Variants in HNMT observed in about 807,000 individuals in gnomAD.
HNMT encodes histamine N-methyltransferase.
A neutral mutation model predicts 32.1 loss-of-function variants in HNMT; 30 were observed. The ratio of observed to expected loss-of-function variants is 0.93; its 90% CI spans 0.70 to 1.27. The LOEUF (loss-of-function observed/expected upper bound fraction) is 1.27. HNMT is among the 50% of genes most tolerant of loss of function. HNMT has a pLI of 0.00. For missense variants in HNMT, 327 were observed against 346.0 expected (o/e 0.95, Z 0.43); for synonymous variants, 125 against 119.0 (o/e 1.05, Z -0.33).
intron 5 of HNMT, among the ~76,000 whole-genome samples, chr2:138,009,631 C>A (rs1267327381): frequency 6.6e-6 from 1 of 151,976 alleles, no homozygotes; most frequent in East Asian, 1.9e-4. Context: ...AGTCTAGTTT[C>A]CAACATTGGA....
chr2:137,979,903 G>A (rs1029433992), intron 2 of HNMT, among the ~76,000 whole-genome samples: 3 of 152,096 alleles, frequency 2.0e-5, no homozygotes, highest in Admixed American at 6.6e-5. Context: ...ATATACGAGA[G>A]ATGATGGTAA....
chr2:137,990,672 A>G (rs1040960587), intron 2 of HNMT, among the ~76,000 whole-genome samples: 31 of 152,206 alleles, frequency 2.0e-4, no homozygotes, highest in African/African-American at 7.5e-4. Flanking sequence ...TTATGATTTT[A>G]TATCTTATGG....
chr2:137,993,367 G>C lies in HNMT; in HGVS notation c.191-7551G>C, dbSNP rs138027456. Among the ~76,000 whole-genome samples, 1,018 of 152,240 alleles carry C rather than the reference G, an allele frequency of 6.7e-3. 16 individuals are homozygous for C. Among genetic ancestry groups the C allele is most frequent in the African/African-American group, 0.023 (956 of 41,546 alleles). ...GTTTAGAGAGGAGCATAAACAACAT[G>C]TTGGAGCTGAAAAACACAGCACGAG... On this transcript the variant is annotated intron_variant, in intron 2 of 5. Transcript: ENST00000280097.
At position 138,015,168 on chromosome 2, in the gene HNMT, G is replaced by A. The variant is rs73961934; in HGVS notation, c.*1038G>A. 1 of 151,918 alleles carries A rather than the reference G, an allele frequency of 6.6e-6. No homozygotes were observed. The highest frequency in any genetic ancestry group is 6.6e-5 in the Admixed American group (1 of 15,226). The allele number at this position is 151,918 out of a possible 1,614,324, so 9.4% of individuals were successfully genotyped here. ...CTTTGGACTGTAGGATTTCAGGGGG[G>A]TTTTGAAAACAAATTTGATGTTTCT... On this transcript the variant is annotated 3_prime_UTR_variant, in exon 6 of 6. Transcript: ENST00000280097.
At chr2:137,987,799 T>C (rs1305828414) in intron 2 of HNMT, among the ~76,000 whole-genome samples, 1 of 152,132 alleles carries the variant, frequency 6.6e-6, no homozygotes, top group African/African-American at 2.4e-5. Flanking sequence ...GTACATCATA[T>C]AAATGAAGAA....
rs190534318 is a variant in HNMT at position 137,983,082 on chromosome 2, T to A, written c.190+12865T>A. Among the ~76,000 whole-genome samples the A allele has an allele frequency of 1.1e-4, 16 of 152,322 alleles. No individual in the cohort carries two copies. In the East Asian group the frequency reaches 2.9e-3, roughly 28 times the overall value. ...TTTTTCCTATTATCCCAAAGCCTCA[T>A]CCATAAATATCATGCAGAACCTATG... On this transcript the variant is annotated intron_variant, in intron 2 of 5. Transcript: ENST00000280097.
At chr2:137,972,624 C>G (rs1166804377) in intron 2 of HNMT, among the ~76,000 whole-genome samples, 2 of 151,974 alleles carry the variant, frequency 1.3e-5, no homozygotes, top group East Asian at 3.9e-4. Context: ...TACTTTAAGT[C>G]CCCAAAATTA....
At position 138,000,926 on chromosome 2, in the gene HNMT, G is replaced by T; in HGVS notation, c.199G>T (p.Asp67Tyr). The part of the protein sequence containing the change: ...LSIGGGAGEI[D>Y]LQILSKVQAQ... Reference sequence around the variant, plus strand: ...ATATGTTTATCTTCTAGGTGAAATTGATCTTCAAATTCTCTCCAAAGTTCA... The same window carrying T: ...ATATGTTTATCTTCTAGGTGAAATTTATCTTCAAATTCTCTCCAAAGTTCA... Residue 67 changes from aspartate to tyrosine, a missense_variant, in exon 3 of 6, where the codon GAT (aspartate) becomes TAT (tyrosine). Physicochemically the swap from Asp to Tyr is radical, Grantham distance 160. Transcript: ENST00000280097. 2 of 1,590,674 alleles carry T rather than the reference G, an allele frequency of 1.3e-6. No homozygotes were observed. Among genetic ancestry groups the T allele is most frequent in the South Asian group, 1.1e-5 (1 of 88,566 alleles).
At chr2:137,998,379 T>A (rs1034149674) in intron 2 of HNMT, among the ~76,000 whole-genome samples, 6 of 152,112 alleles carry the variant, frequency 3.9e-5, no homozygotes, top group African/African-American at 7.2e-5. Flanking sequence ...TTATTAAAAA[T>A]GAACAAGTTA....
intron 2 of HNMT, among the ~76,000 whole-genome samples, chr2:137,976,729 C>A (rs1680299888): frequency 6.6e-6 from 1 of 152,098 alleles, no homozygotes; most frequent in Non-Finnish European, 1.5e-5. Flanking sequence ...TTTACATAAA[C>A]ACAGTTATAG....
chr2:137,976,189 C>A (rs547356728), intron 2 of HNMT, among the ~76,000 whole-genome samples: 1 of 150,886 alleles, frequency 6.6e-6, no homozygotes, highest in Non-Finnish European at 1.5e-5. Flanking sequence ...TCTCTTGAAC[C>A]TGGGAGGAGG....
chr2:137,978,778 TATATA>T (rs1379961154), intron 2 of HNMT, among the ~76,000 whole-genome samples: 5 of 139,710 alleles, frequency 3.6e-5, no homozygotes, highest in Admixed American at 7.3e-5. Context: ...AATATAGTAT[TATATA>T]ATACTTTATA....
At position 138,016,277 on chromosome 2, in the gene HNMT, C is replaced by T. The variant is rs961711329; in HGVS notation, c.*2147C>T. ...AATTATTTCCTTCTCAAACATTTAT[C>T]TTATACCTTGTGTGTTCATATTATT... On this transcript the variant is annotated 3_prime_UTR_variant, in exon 6 of 6. Coordinates refer to ENST00000280097, the MANE Select transcript of HNMT (RefSeq NM_006895.3). The T allele has an allele frequency of 6.6e-6, 1 of 152,104 alleles. No individual in the cohort carries two copies. Among genetic ancestry groups the T allele is most frequent in the African/African-American group, 2.4e-5 (1 of 41,424 alleles). The allele number at this position is 152,104 out of a possible 1,614,324, so 9.4% of individuals were successfully genotyped here.
rs113886513 is a variant in HNMT at position 137,989,205 on chromosome 2, C to A, written c.191-11713C>A. On this transcript the variant is annotated intron_variant, in intron 2 of 5. Coordinates refer to ENST00000280097, the MANE Select transcript of HNMT (RefSeq NM_006895.3). The stretch of plus-strand genomic sequence containing the variant: ...GTATTATACAGAGTAGTTTTACTGT[C>A]CCCGAAATCATCTATGCTCCACCCC... Among the ~76,000 whole-genome samples, 1,514 of 152,228 alleles carry A rather than the reference C, an allele frequency of 9.9e-3. 27 individuals are homozygous for A. Among genetic ancestry groups the A allele is most frequent in the African/African-American group, 0.035 (1,459 of 41,542 alleles).
At chr2:137,978,265 T>C (rs1680345855) in intron 2 of HNMT, among the ~76,000 whole-genome samples, 2 of 149,390 alleles carry the variant, frequency 1.3e-5, no homozygotes, top group South Asian at 4.2e-4. Context: ...AGTATATTTA[T>C]ATACGTATAT....
At chr2:137,999,593 G>A (rs1235725305) in intron 2 of HNMT, among the ~76,000 whole-genome samples, 2 of 152,092 alleles carry the variant, frequency 1.3e-5, no homozygotes, top group African/African-American at 4.8e-5. Flanking sequence ...TGCAGCCTTG[G>A]AAAGTTTCTG....
chr2:137,977,738 TTTC>T (rs1223203543), intron 2 of HNMT, among the ~76,000 whole-genome samples: 1 of 151,940 alleles, frequency 6.6e-6, no homozygotes, highest in Non-Finnish European at 1.5e-5. Context: ...GAAATTAAAA[TTTC>T]CCTGAAAGTA....
Position 138,015,268 on chromosome 2 carries a change from T to A in HNMT, c.*1138T>A, listed in dbSNP as rs1681628985. ...ATAATTAATAAATAAATATTTTAAG[T>A]ATGTAAATAATTAGTACTCCCTGTC... is the stretch of plus-strand genomic sequence containing the variant. On this transcript the variant is annotated 3_prime_UTR_variant, in exon 6 of 6. Coordinates refer to ENST00000280097, the MANE Select transcript of HNMT (RefSeq NM_006895.3). 6.6e-6 allele frequency: 1 copy of A among 152,064 alleles called. No homozygotes were observed. The highest frequency in any genetic ancestry group is 1.5e-5 in the Non-Finnish European group (1 of 67,998). The allele number at this position is 152,064 out of a possible 1,614,324, so 9.4% of individuals were successfully genotyped here.
At chr2:137,967,181 C>G (rs114017045) in intron 1 of HNMT, 1 of 755,986 alleles carries the variant, frequency 1.3e-6, no homozygotes, top group South Asian at 1.4e-5. Context: ...GAGGCTGAGG[C>G]GGGAGGATTA....
Sources: gnomAD v4.1 joint callset for allele counts (sites outside exome capture counted in the v4.1 genomes callset) on GRCh38, gnomAD v4.1.1 for gene constraint, MANE v1.5 for transcripts, NCBI Gene and HGNC (gene_info 2026-07-23, HGNC 2026-07-21) for gene names.